The following GRIA4 variants were observed in gnomAD, a reference collection of about 807,000 sequenced individuals.
GRIA4 encodes the protein glutamate ionotropic receptor AMPA type subunit 4.
A neutral mutation model predicts 104.0 loss-of-function variants in GRIA4; 34 were observed. The observed-to-expected ratio is 0.33, with a 90% CI of 0.25 to 0.44. GRIA4 has a LOEUF of 0.44. GRIA4 is among the 20% of genes least tolerant of loss of function. The pLI is 1.00. For synonymous variants in GRIA4, 386 were observed against 381.9 expected, an observed-to-expected ratio of 1.01 and a Z score of -0.13; for missense variants, 750 against 1,096.5, an observed-to-expected ratio of 0.68 and a Z score of 4.46.
intron 14 of GRIA4, among the ~76,000 whole-genome samples, chr11:105,934,584 G>A (rs796872328): frequency 2.6e-5 from 4 of 152,208 alleles, no homozygotes; most frequent in South Asian, 2.1e-4. Context: ...GGAGTGTGGT[G>A]TAAGTAAGAT....
intron 3 of GRIA4, among the ~76,000 whole-genome samples, chr11:105,719,130 G>A (rs910265009): frequency 2.0e-5 from 3 of 151,978 alleles, no homozygotes; most frequent in Admixed American, 6.6e-5. Context: ...GCTTCTTCAG[G>A]CATTCGTACC....
chr11:105,753,619 C>T (rs1429156504), intron 4 of GRIA4, among the ~76,000 whole-genome samples: 3 of 152,114 alleles, frequency 2.0e-5, no homozygotes, highest in African/African-American at 7.2e-5. Context: ...TCAATCCTGA[C>T]ATTATCTACC....
At chr11:105,683,673 A>G (rs181323831) in intron 3 of GRIA4, among the ~76,000 whole-genome samples, 270 of 152,038 alleles carry the variant, frequency 1.8e-3, no homozygotes, top group Non-Finnish European at 2.5e-3. Flanking sequence ...AATGTTAAGG[A>G]AAAAAAAGCC....
intron 3 of GRIA4, among the ~76,000 whole-genome samples, chr11:105,726,298 C>T (rs1405947929): frequency 2.0e-5 from 3 of 152,116 alleles, no homozygotes; most frequent in Non-Finnish European, 2.9e-5. Flanking sequence ...GAGTGGAGCC[C>T]ACCGCAGCAC....
chr11:105,697,885 G>C (rs1231447447), intron 3 of GRIA4, among the ~76,000 whole-genome samples: 2 of 150,234 alleles, frequency 1.3e-5, no homozygotes, highest in Non-Finnish European at 3.0e-5. Context: ...GAAAGAGAGA[G>C]AGCCTATAGC....
intron 12 of GRIA4, among the ~76,000 whole-genome samples, chr11:105,926,280 C>T (rs1307564824): frequency 2.0e-5 from 3 of 152,086 alleles, no homozygotes; most frequent in Admixed American, 6.6e-5. Context: ...AAATCTAAGA[C>T]TGCAGTCACT....
At chr11:105,940,603 T>C (rs1242444643) in intron 14 of GRIA4, among the ~76,000 whole-genome samples, 2 of 152,124 alleles carry the variant, frequency 1.3e-5, no homozygotes, top group East Asian at 3.9e-4. Context: ...CAGTGAAGAA[T>C]TGTATATGAT....
intron 4 of GRIA4, among the ~76,000 whole-genome samples, chr11:105,849,376 G>A (rs1251030738): frequency 6.6e-6 from 1 of 152,176 alleles, no homozygotes; most frequent in African/African-American, 2.4e-5. Flanking sequence ...TGTGGATCTG[G>A]ATGGACAGTA....
At chr11:105,752,287 G>A (rs1287042631) in intron 3 of GRIA4, among the ~76,000 whole-genome samples, 1 of 152,040 alleles carries the variant, frequency 6.6e-6, no homozygotes, top group Non-Finnish European at 1.5e-5. Flanking sequence ...TTTGGAATTG[G>A]TTTGTCTTTG....
intron 3 of GRIA4, among the ~76,000 whole-genome samples, chr11:105,635,699 C>T (rs1562220): frequency 0.026 from 4,023 of 152,220 alleles, 165 homozygotes; most frequent in Admixed American, 0.12. Flanking sequence ...CCCAACCAAA[C>T]AGTCCCTTTC....
intron 3 of GRIA4, among the ~76,000 whole-genome samples, chr11:105,709,759 C>A (rs1211486513): frequency 6.6e-6 from 1 of 152,098 alleles, no homozygotes; most frequent in Non-Finnish European, 1.5e-5. Context: ...AGGTTTGATA[C>A]TACCACCTCC....
chr11:105,846,298 T>C (rs1193029469), intron 4 of GRIA4, among the ~76,000 whole-genome samples: 3 of 152,288 alleles, frequency 2.0e-5, no homozygotes, highest in South Asian at 2.1e-4. Flanking sequence ...TGCATATAAA[T>C]TGTTTTGACA....
chr11:105,742,604 A>ATATG (rs1939383594), intron 3 of GRIA4, among the ~76,000 whole-genome samples: 2 of 151,024 alleles, frequency 1.3e-5, no homozygotes, highest in African/African-American at 4.9e-5. Context: ...ATATATATAT[A>ATATG]TGTGTGTGTG....
chr11:105,832,891 G>T (rs750525888), intron 4 of GRIA4, among the ~76,000 whole-genome samples: 1 of 151,966 alleles, frequency 6.6e-6, no homozygotes, highest in Admixed American at 6.6e-5. Flanking sequence ...GGTAATTGGT[G>T]ATCTCTGCCT....
At chr11:105,963,286 A>G (rs958203278) in intron 14 of GRIA4, among the ~76,000 whole-genome samples, 5 of 152,140 alleles carry the variant, frequency 3.3e-5, no homozygotes, top group East Asian at 1.9e-4. Context: ...GATTCATTCT[A>G]TAAAATAGAA....
At chr11:105,737,553 T>C (rs934503367) in intron 3 of GRIA4, among the ~76,000 whole-genome samples, 5 of 152,148 alleles carry the variant, frequency 3.3e-5, no homozygotes, top group African/African-American at 4.8e-5. Context: ...TATGTGTTTG[T>C]CCTTTTTAAA....
At chr11:105,971,724 G>A (rs1266646561) in intron 14 of GRIA4, among the ~76,000 whole-genome samples, 190 bp from the exon 15 acceptor site, 1 of 152,132 alleles carries the variant, frequency 6.6e-6, no homozygotes, top group Non-Finnish European at 1.5e-5. Flanking sequence ...CTAGCAGTAT[G>A]TGCCTGTTAC....
At chr11:105,780,019 TTAAA>T (rs1941655909) in intron 4 of GRIA4, among the ~76,000 whole-genome samples, 2 of 152,156 alleles carry the variant, frequency 1.3e-5, no homozygotes, top group East Asian at 3.9e-4. Flanking sequence ...TTGTGGAACA[TTAAA>T]TAGTTCTCAA....
chr11:105,751,469 C>T (rs1939992604), intron 3 of GRIA4, among the ~76,000 whole-genome samples: 1 of 152,124 alleles, frequency 6.6e-6, no homozygotes, highest in African/African-American at 2.4e-5. Flanking sequence ...TTCCTTATAT[C>T]TTGCAAGAAA....
Sources: allele counts gnomAD v4.1 joint callset (sites outside exome capture counted in the v4.1 genomes callset), GRCh38; gene constraint gnomAD v4.1.1; transcripts MANE v1.5; gene names NCBI Gene and HGNC (gene_info 2026-07-23, HGNC 2026-07-21).